The following CTNNA2 variants were observed in gnomAD, a reference collection of about 807,000 sequenced individuals.
The protein encoded by CTNNA2 is catenin alpha 2.
Under a neutral mutation model 101.0 loss-of-function variants are expected in CTNNA2, and 42 were observed. That is an observed-to-expected ratio of 0.42 (90% CI 0.32 to 0.54). The LOEUF is 0.54. CTNNA2 is among the 20% of genes least tolerant of loss of function. The pLI is 0.14. For missense variants in CTNNA2, 871 were observed against 1,223.1 expected (o/e 0.71, Z 4.29); for synonymous variants, 450 against 456.4 (o/e 0.99, Z 0.18).
At chr2:80,119,087 G>A (rs1410438984) in intron 7 of CTNNA2, among the ~76,000 whole-genome samples, 2 of 152,184 alleles carry the variant, frequency 1.3e-5, no homozygotes, top group Admixed American at 6.5e-5. Flanking sequence ...GCAGAACCAC[G>A]GTTGTTTTAG....
rs149669162 is a variant in CTNNA2, at chr2:79,785,040, G to A, written c.298+40458G>A. ...ACCTATGTTAAAATAATATGGACAT[G>A]TCTTTCTACCTCTCTGATCCAAACA... is the stretch of plus-strand genomic sequence containing the variant. On this transcript the variant is annotated intron_variant, in intron 3 of 18. Coordinates refer to ENST00000402739, the MANE Select transcript of CTNNA2 (RefSeq NM_001282597.3). Among the ~76,000 whole-genome samples, 302 of 152,230 alleles carry A rather than the reference G, an allele frequency of 2.0e-3. 1 individual carries two copies. Among genetic ancestry groups the A allele is most frequent in the South Asian group, 0.012 (58 of 4,828 alleles).
chr2:80,440,968 G>A (rs1682511613), intron 9 of CTNNA2, among the ~76,000 whole-genome samples: 1 of 152,178 alleles, frequency 6.6e-6, no homozygotes, highest in Non-Finnish European at 1.5e-5. Flanking sequence ...CTCTCTGCAA[G>A]ACTGATGAAG....
At chr2:79,523,179 A>T in intron 1 of CTNNA2, 1 of 374,038 alleles carries the variant, frequency 2.7e-6, no homozygotes, top group South Asian at 2.1e-5. Flanking sequence ...TTTGGAATTT[A>T]AGTATTCAAT....
intron 3 of CTNNA2, among the ~76,000 whole-genome samples, chr2:79,325,578 G>A (rs1676728012): frequency 6.6e-6 from 1 of 152,152 alleles, no homozygotes; most frequent in Admixed American, 6.5e-5. Context: ...TGTATTGAAT[G>A]CAGTGTCCCC....
chr2:80,337,597 G>A (rs565008435), intron 7 of CTNNA2, among the ~76,000 whole-genome samples: 1 of 151,920 alleles, frequency 6.6e-6, no homozygotes, highest in Non-Finnish European at 1.5e-5. Context: ...GCTGCAGGGT[G>A]TGTGAGTGCA....
At chr2:79,223,095 G>C (rs1335411204) in intron 2 of CTNNA2, among the ~76,000 whole-genome samples, 1 of 152,160 alleles carries the variant, frequency 6.6e-6, no homozygotes, top group African/African-American at 2.4e-5. Flanking sequence ...AGGAGTTTTA[G>C]GTTACAGTGA....
chr2:80,567,372 A>G (rs1441483755), intron 12 of CTNNA2, among the ~76,000 whole-genome samples: 1 of 152,158 alleles, frequency 6.6e-6, no homozygotes, highest in Non-Finnish European at 1.5e-5. Context: ...TTGACTGTGA[A>G]TTGGAACTTC....
chr2:79,420,083 C>T (rs1440615727), intron 4 of CTNNA2, among the ~76,000 whole-genome samples: 9 of 152,118 alleles, frequency 5.9e-5, no homozygotes, highest in Non-Finnish European at 1.0e-4. Context: ...CAAGAACCCT[C>T]CTCAGCTTCT....
chr2:80,380,283 A>G lies in CTNNA2; in HGVS notation c.1057-12928A>G, dbSNP rs747355500. Among the ~76,000 whole-genome samples the G allele has an allele frequency of 6.6e-5, 10 of 151,962 alleles. No individual in the cohort carries two copies. The East Asian group carries it at 1.2e-3, about 18-fold the overall frequency. On this transcript the variant is annotated intron_variant, in intron 7 of 18. Coordinates refer to ENST00000402739, the MANE Select transcript of CTNNA2 (RefSeq NM_001282597.3). ...GATCTCCTGACTTTGTGATCCTCCCACCTTGGCCTCCCAAAGTGCTGGGAT... is the reference window on the plus strand; with the variant it reads ...GATCTCCTGACTTTGTGATCCTCCCGCCTTGGCCTCCCAAAGTGCTGGGAT...
At chr2:79,582,334 T>C (rs1676199161) in intron 1 of CTNNA2, among the ~76,000 whole-genome samples, 1 of 152,174 alleles carries the variant, frequency 6.6e-6, no homozygotes, top group Admixed American at 6.5e-5. Flanking sequence ...GAGTAGAGAG[T>C]TGCTTATATC....
At chr2:79,578,302 T>C (rs1344013666) in intron 1 of CTNNA2, among the ~76,000 whole-genome samples, 1 of 152,180 alleles carries the variant, frequency 6.6e-6, no homozygotes, top group Non-Finnish European at 1.5e-5. Context: ...GTATGTTATA[T>C]AAGGTTCGAA....
Position 80,170,313 on chromosome 2 carries a change from C to T in CTNNA2, c.1057-222898C>T, listed in dbSNP as rs543684843. 3.9e-4 allele frequency among the ~76,000 whole-genome samples: 60 copies of T among 151,922 alleles called. No homozygotes were observed. In the East Asian group the frequency reaches 5.4e-3, roughly 14 times the overall value. On this transcript the variant is annotated intron_variant, in intron 7 of 18. Transcript: ENST00000402739. ...TGACAACTAGCCTACTATCAGGAGG[C>T]CAAGCACTTTGAGTTTTTATGAGGA...
intron 9 of CTNNA2, among the ~76,000 whole-genome samples, chr2:80,485,522 G>A (rs950766224): frequency 6.6e-6 from 1 of 152,066 alleles, no homozygotes; most frequent in African/African-American, 2.4e-5. Flanking sequence ...TGAATGAAAA[G>A]GTCAGACAGT....
intron 14 of CTNNA2, among the ~76,000 whole-genome samples, chr2:80,585,720 TC>T (rs1203587155): frequency 1.3e-5 from 2 of 152,230 alleles, no homozygotes; most frequent in Non-Finnish European, 2.9e-5. Context: ...TAATTAAAAC[TC>T]ATGTGTTGAA....
intron 7 of CTNNA2, among the ~76,000 whole-genome samples, chr2:80,291,972 T>C (rs550636724): frequency 6.6e-5 from 10 of 152,334 alleles, no homozygotes; most frequent in Non-Finnish European, 1.5e-4. Context: ...AAGCCATGTG[T>C]AGTCTTTGCA....
intron 4 of CTNNA2, among the ~76,000 whole-genome samples, chr2:79,469,573 C>T (rs967457729): frequency 4.6e-5 from 7 of 151,906 alleles, no homozygotes; most frequent in Admixed American, 1.3e-4. Context: ...AGAGACACAA[C>T]AAAAAAAGAG....
intron 2 of CTNNA2, among the ~76,000 whole-genome samples, chr2:79,200,159 G>A (rs1456366721): frequency 6.6e-6 from 1 of 152,120 alleles, no homozygotes; most frequent in Admixed American, 6.5e-5. Context: ...CAAGGAGAGT[G>A]GATCATTTGA....
At chr2:79,597,428 C>T (rs1338952149) in intron 1 of CTNNA2, among the ~76,000 whole-genome samples, 1 of 149,558 alleles carries the variant, frequency 6.7e-6, no homozygotes, top group Non-Finnish European at 1.5e-5. Context: ...GTCGAGACGG[C>T]GCCACTGCAC....
At chr2:79,745,206 G>T (rs1370099629) in intron 3 of CTNNA2, among the ~76,000 whole-genome samples, 3 of 152,092 alleles carry the variant, frequency 2.0e-5, no homozygotes, top group Non-Finnish European at 4.4e-5. Context: ...CAAGGCGGGT[G>T]GATTGCCTGA....
Sources: gnomAD v4.1 joint callset for allele counts (sites outside exome capture counted in the v4.1 genomes callset) on GRCh38, gnomAD v4.1.1 for gene constraint, MANE v1.5 for transcripts, NCBI Gene and HGNC (gene_info 2026-07-23, HGNC 2026-07-21) for gene names.